Variants in SPECC1L observed in about 807,000 individuals in gnomAD.
SPECC1L encodes sperm antigen with calponin homology and coiled-coil domains 1 like.
Under a neutral mutation model 116.8 loss-of-function variants are expected in SPECC1L, and 40 were observed. That is an observed-to-expected ratio of 0.34 (90% CI 0.27 to 0.45). The LOEUF is 0.45. SPECC1L is among the 20% of genes least tolerant of loss of function. The pLI, the probability that SPECC1L is intolerant of heterozygous loss-of-function variation, is 1.00. For synonymous variants in SPECC1L, 504 were observed against 500.6 expected (o/e 1.01, Z -0.09); for missense variants, 1,110 against 1,373.6 (o/e 0.81, Z 3.03).
chr22:24,319,104 C>T (rs1049800344), intron 4 of SPECC1L, among the ~76,000 whole-genome samples: 3 of 152,196 alleles, frequency 2.0e-5, no homozygotes, highest in Non-Finnish European at 2.9e-5. Context: ...CATTCCTCCT[C>T]TGCTGCTCTG....
chr22:24,288,815 G>A (rs530855587), intron 2 of SPECC1L, among the ~76,000 whole-genome samples: 2 of 151,632 alleles, frequency 1.3e-5, no homozygotes, highest in African/African-American at 4.9e-5. Context: ...TAGTAGAGAC[G>A]GGTTTTCACC....
chr22:24,337,833 T>C lies in SPECC1L; in HGVS notation c.2561-553T>C, dbSNP rs560708109. ...AAATTCTAAAAACATAAACTACTTT[T>C]CAGCAGTTTATTATAGAGAGAGAGA... On this transcript the variant is annotated intron_variant, in intron 9 of 16. Transcript: ENST00000314328. Among the ~76,000 whole-genome samples, 5 of 152,286 alleles carry C rather than the reference T, an allele frequency of 3.3e-5. No individual in the cohort carries two copies. The East Asian group carries it at 9.6e-4, about 29-fold the overall frequency.
Position 24,277,633 on chromosome 22 carries a change from G to A in SPECC1L, c.-38+830G>A, listed in dbSNP as rs146361775. Among the ~76,000 whole-genome samples, 747 of 152,328 alleles carry A rather than the reference G, an allele frequency of 4.9e-3. 5 individuals carry two copies. The highest frequency in any genetic ancestry group is 8.4e-3 in the Non-Finnish European group (572 of 68,028). ...TTATGTAAATGGCATCATACAACATGTGACCTTTTGTTTGGCTTTTTTCAT... is the reference window on the plus strand; with the variant it reads ...TTATGTAAATGGCATCATACAACATATGACCTTTTGTTTGGCTTTTTTCAT... On this transcript the variant is annotated intron_variant, in intron 2 of 16. Coordinates refer to ENST00000314328, the MANE Select transcript of SPECC1L (RefSeq NM_015330.6).
chr22:24,381,086 A>G (rs373672774), intron 14 of SPECC1L, among the ~76,000 whole-genome samples: 1 of 152,202 alleles, frequency 6.6e-6, no homozygotes, highest in South Asian at 2.1e-4. Flanking sequence ...TAATACAAGA[A>G]TAACCAACTG....
chr22:24,300,831 A>G (rs1431761316), intron 2 of SPECC1L, among the ~76,000 whole-genome samples: 2 of 152,354 alleles, frequency 1.3e-5, no homozygotes, highest in African/African-American at 4.8e-5. Flanking sequence ...CAACCAGCTG[A>G]TCTTCGACAA....
intron 10 of SPECC1L, among the ~76,000 whole-genome samples, chr22:24,340,132 T>G (rs1207354637): frequency 6.7e-6 from 1 of 150,294 alleles, no homozygotes; most frequent in Non-Finnish European, 1.5e-5. Context: ...TTCCACCAAT[T>G]TAATGACCTT....
At chr22:24,346,000 CTGTTTTTTT>C (rs1474539917) in intron 10 of SPECC1L, among the ~76,000 whole-genome samples, 1 of 149,622 alleles carries the variant, frequency 6.7e-6, no homozygotes, top group African/African-American at 2.5e-5. Flanking sequence ...TGGATTCTTT[CTGTTTTTTT>C]TGTTTTTTTT....
chr22:24,298,813 T>G (rs1370874325), intron 2 of SPECC1L, among the ~76,000 whole-genome samples: 1 of 152,194 alleles, frequency 6.6e-6, no homozygotes, highest in Non-Finnish European at 1.5e-5. Flanking sequence ...CTTTAGACAG[T>G]CCACTGAATA....
chr22:24,410,675 T>C lies in SPECC1L; in HGVS notation c.3088-913T>C, dbSNP rs138278516. Among the ~76,000 whole-genome samples the C allele has an allele frequency of 7.8e-3, 1,181 of 152,318 alleles. 5 individuals carry two copies. Among genetic ancestry groups the C allele is most frequent in the Middle Eastern group, 0.017 (5 of 294 alleles). ...TGGGGTACACTATAGCAATCTCCAG[T>C]ACATGTGGTGCGTGGCCTGGACCAA... On this transcript the variant is annotated intron_variant, in intron 14 of 16. Transcript: ENST00000314328.
At chr22:24,391,118 G>T (rs538659677) in intron 14 of SPECC1L, among the ~76,000 whole-genome samples, 2 of 151,702 alleles carry the variant, frequency 1.3e-5, no homozygotes, top group African/African-American at 2.4e-5. Context: ...CTTGGGATCC[G>T]CCCGCCTTGG....
At chr22:24,276,044 ACAG>A (rs1436231229) in intron 1 of SPECC1L, among the ~76,000 whole-genome samples, 1 of 151,866 alleles carries the variant, frequency 6.6e-6, no homozygotes, top group East Asian at 1.9e-4. Context: ...TGAGCTGTAC[ACAG>A]AAGAAAGTAA....
intron 11 of SPECC1L, among the ~76,000 whole-genome samples, chr22:24,357,461 C>T (rs185167617): frequency 4.5e-4 from 68 of 152,232 alleles, no homozygotes; most frequent in Middle Eastern, 6.8e-3. Context: ...TTCCAACATC[C>T]GTACCATTTG....
chr22:24,323,717 G>A (rs187671358), intron 5 of SPECC1L, among the ~76,000 whole-genome samples: 30 of 152,246 alleles, frequency 2.0e-4, no homozygotes, highest in African/African-American at 7.0e-4. Flanking sequence ...GGTGTTTTTA[G>A]TGATCACTTT....
At chr22:24,392,558 G>C (rs2042292111) in intron 14 of SPECC1L, among the ~76,000 whole-genome samples, 1 of 152,168 alleles carries the variant, frequency 6.6e-6, no homozygotes, top group Non-Finnish European at 1.5e-5. Context: ...TTGAGAAGCA[G>C]GTTATTTGTA....
chr22:24,374,680 C>A (rs929334427), intron 14 of SPECC1L, among the ~76,000 whole-genome samples: 3 of 150,430 alleles, frequency 2.0e-5, no homozygotes, highest in Non-Finnish European at 3.0e-5. Flanking sequence ...TGTTAAATGA[C>A]GAGTTGATGG....
intron 2 of SPECC1L, among the ~76,000 whole-genome samples, chr22:24,301,781 T>C (rs993582278): frequency 1.3e-5 from 2 of 152,154 alleles, no homozygotes; most frequent in Admixed American, 1.3e-4. Flanking sequence ...GGCACGGTGC[T>C]CACGCCTGTA....
chr22:24,299,369 C>G (rs1238653528), intron 2 of SPECC1L, among the ~76,000 whole-genome samples: 1 of 151,956 alleles, frequency 6.6e-6, no homozygotes, highest in Non-Finnish European at 1.5e-5. Flanking sequence ...CTTGGAAGGT[C>G]AAGACTGCAG....
intron 10 of SPECC1L, among the ~76,000 whole-genome samples, chr22:24,342,768 G>C (rs549985092): frequency 6.6e-6 from 1 of 151,852 alleles, no homozygotes; most frequent in Admixed American, 6.6e-5. Flanking sequence ...GAGGTAAAAA[G>C]ACTGGGGAAA....
intron 10 of SPECC1L, among the ~76,000 whole-genome samples, chr22:24,340,026 C>T (rs1158222235): frequency 6.6e-6 from 1 of 152,088 alleles, no homozygotes; most frequent in Non-Finnish European, 1.5e-5. Context: ...CTCAGGTAAT[C>T]CACCTGCCTG....
Sources: allele counts gnomAD v4.1 joint callset (sites outside exome capture counted in the v4.1 genomes callset), GRCh38; gene constraint gnomAD v4.1.1; transcripts MANE v1.5; gene names NCBI Gene and HGNC (gene_info 2026-07-23, HGNC 2026-07-21).